Variants in UBE2E2 observed in about 807,000 individuals in gnomAD.
UBE2E2 encodes the protein ubiquitin conjugating enzyme E2 E2, also known as ubiquitin-conjugating enzyme E2 E2.
A neutral mutation model predicts 24.7 loss-of-function variants in UBE2E2; 6 were observed. The ratio of observed to expected loss-of-function variants is 0.24; its 90% CI spans 0.13 to 0.48. The LOEUF (loss-of-function observed/expected upper bound fraction) is 0.48, where lower values mean the gene tolerates loss of function less well. UBE2E2 is among the 20% of genes least tolerant of loss of function. The pLI is 0.99. For synonymous variants in UBE2E2, 104 were observed against 83.6 expected, an observed-to-expected ratio of 1.24 and a Z score of -1.33; for missense variants, 169 against 245.0, an observed-to-expected ratio of 0.69 and a Z score of 2.07.
chr3:23,491,252 G>A (rs764264878), intron 3 of UBE2E2, among the ~76,000 whole-genome samples: 2 of 152,144 alleles, frequency 1.3e-5, no homozygotes, highest in African/African-American at 2.4e-5. Flanking sequence ...AGACACTACA[G>A]TACTGGCCTG....
chr3:23,355,575 C>T (rs771745258), intron 3 of UBE2E2, among the ~76,000 whole-genome samples: 1 of 152,060 alleles, frequency 6.6e-6, no homozygotes, highest in Non-Finnish European at 1.5e-5. Flanking sequence ...TTTGAAATAG[C>T]GACTTGTAAC....
chr3:23,238,170 C>T (rs1575493955), intron 3 of UBE2E2, among the ~76,000 whole-genome samples: 2 of 151,926 alleles, frequency 1.3e-5, no homozygotes, highest in East Asian at 3.9e-4. Context: ...TATTGGAAAG[C>T]ATATAGAAGG....
intron 3 of UBE2E2, among the ~76,000 whole-genome samples, chr3:23,228,641 G>A (rs2125330334): frequency 6.6e-6 from 1 of 152,018 alleles, no homozygotes; most frequent in South Asian, 2.1e-4. Context: ...TTGCATTTTT[G>A]TTGTCAGTTT....
intron 3 of UBE2E2, among the ~76,000 whole-genome samples, chr3:23,276,922 G>A (rs886292419): frequency 1.3e-5 from 2 of 151,862 alleles, no homozygotes; most frequent in Non-Finnish European, 2.9e-5. Flanking sequence ...TAAGGAAGAG[G>A]AAAAACTTTT....
chr3:23,522,885 A>G (rs181574418), intron 4 of UBE2E2, among the ~76,000 whole-genome samples: 20 of 152,284 alleles, frequency 1.3e-4, no homozygotes. Flanking sequence ...TGGGACTTCT[A>G]TAGAAAGAAA....
At chr3:23,533,572 T>G (rs537842742) in intron 5 of UBE2E2, among the ~76,000 whole-genome samples, 17 of 152,162 alleles carry the variant, frequency 1.1e-4, no homozygotes, top group African/African-American at 4.1e-4. Flanking sequence ...ACTTTTATAT[T>G]TCTTTATTTT....
chr3:23,534,539 C>A (rs921578804), intron 5 of UBE2E2, among the ~76,000 whole-genome samples: 1 of 152,148 alleles, frequency 6.6e-6, no homozygotes, highest in African/African-American at 2.4e-5. Context: ...AAAATACATG[C>A]TAACATTTAG....
chr3:23,298,611 A>G (rs1299502989), intron 3 of UBE2E2, among the ~76,000 whole-genome samples: 1 of 151,690 alleles, frequency 6.6e-6, no homozygotes, highest in Non-Finnish European at 1.5e-5. Flanking sequence ...CATATATTGA[A>G]CCAGCCTTGC....
At chr3:23,233,668 C>T (rs1042560574) in intron 3 of UBE2E2, among the ~76,000 whole-genome samples, 1 of 151,996 alleles carries the variant, frequency 6.6e-6, no homozygotes, top group African/African-American at 2.4e-5. Context: ...ACAAAAGAAC[C>T]TCATTATAAG....
chr3:23,269,356 A>G (rs1375629393), intron 3 of UBE2E2, among the ~76,000 whole-genome samples: 1 of 152,226 alleles, frequency 6.6e-6, no homozygotes, highest in East Asian at 1.9e-4. Context: ...AATTTACAAG[A>G]GAAAAAACAA....
intron 3 of UBE2E2, among the ~76,000 whole-genome samples, chr3:23,329,927 A>G (rs1225140526): frequency 6.6e-6 from 1 of 152,220 alleles, no homozygotes; most frequent in East Asian, 1.9e-4. Flanking sequence ...GCAAGAATAA[A>G]AAGTATTACA....
chr3:23,549,755 G>A lies in UBE2E2; in HGVS notation c.508+17054G>A, dbSNP rs149426036. On this transcript the variant is annotated intron_variant, in intron 5 of 5. Transcript: ENST00000396703. ...GATGTCTAAAAAAGGAATTTCAACC[G>A]GGCGCGGTGGCTCACACCTGTAATC... Among the ~76,000 whole-genome samples the A allele has an allele frequency of 8.5e-5, 13 of 152,158 alleles. No individual in the cohort carries two copies. The East Asian group carries it at 2.3e-3, about 27-fold the overall frequency.
intron 5 of UBE2E2, among the ~76,000 whole-genome samples, chr3:23,580,637 G>A (rs1406857110): frequency 6.6e-6 from 1 of 152,152 alleles, no homozygotes; most frequent in Non-Finnish European, 1.5e-5. Context: ...TGTATTTGCA[G>A]TGCAATGATA....
At chr3:23,226,924 A>G (rs1453230464) in intron 3 of UBE2E2, among the ~76,000 whole-genome samples, 2 of 151,924 alleles carry the variant, frequency 1.3e-5, no homozygotes, top group Non-Finnish European at 2.9e-5. Context: ...TGTTGCATGA[A>G]TACAGGTTCA....
chr3:23,336,255 G>C (rs766967550), intron 3 of UBE2E2, among the ~76,000 whole-genome samples: 52 of 152,162 alleles, frequency 3.4e-4, no homozygotes, highest in Non-Finnish European at 6.9e-4. Flanking sequence ...AGAAAAAGGG[G>C]AAGAGAGGAG....
chr3:23,468,845 C>A (rs1698975951), intron 3 of UBE2E2, among the ~76,000 whole-genome samples: 1 of 152,154 alleles, frequency 6.6e-6, no homozygotes, highest in Non-Finnish European at 1.5e-5. Flanking sequence ...ATCCATCTCA[C>A]AAGGCTGTTA....
chr3:23,271,422 A>T (rs35266274), intron 3 of UBE2E2, among the ~76,000 whole-genome samples: 9,610 of 152,256 alleles, frequency 0.063, 484 homozygotes, highest in Non-Finnish European at 0.092. Flanking sequence ...GATTTATTGC[A>T]AAGAGCCAAA....
In UBE2E2 at chr3:23,348,214, C is replaced by G. The variant is rs112053187; in HGVS notation, c.227+130902C>G. ...AGTCACTATGTTCAATTGAAATCAA[C>G]CTAGAGAACCTTATCTCTCTGCATA... On this transcript the variant is annotated intron_variant, in intron 3 of 5. Coordinates refer to ENST00000396703, the MANE Select transcript of UBE2E2 (RefSeq NM_152653.4). Among the ~76,000 whole-genome samples the G allele has an allele frequency of 4.0e-3, 610 of 152,190 alleles. 5 individuals carry two copies. The highest frequency in any genetic ancestry group is 0.017 in the Middle Eastern group (5 of 294).
At chr3:23,245,943 A>G (rs1305282964) in intron 3 of UBE2E2, among the ~76,000 whole-genome samples, 5 of 152,250 alleles carry the variant, frequency 3.3e-5, no homozygotes, top group African/African-American at 1.2e-4. Context: ...GGTGGATAAA[A>G]TGATAAGTAA....
Sources: allele counts gnomAD v4.1 joint callset (sites outside exome capture counted in the v4.1 genomes callset), GRCh38; gene constraint gnomAD v4.1.1; transcripts MANE v1.5; gene names NCBI Gene and HGNC (gene_info 2026-07-23, HGNC 2026-07-21).